Variants in CNGB3 observed in about 807,000 individuals in gnomAD.
The protein encoded by CNGB3 is cyclic nucleotide gated channel subunit beta 3, also known as cyclic nucleotide-gated channel beta-3.
Under a neutral mutation model 92.8 loss-of-function variants are expected in CNGB3, and 86 were observed. The ratio of observed to expected loss-of-function variants is 0.93; its 90% CI spans 0.78 to 1.11. The LOEUF is 1.11. Among genes scored for constraint, CNGB3 ranks in the 50% least tolerant of loss-of-function variants. The probability of loss-of-function intolerance (pLI) is 0.00; values close to 1 mark genes in which losing one functional copy is unlikely to be tolerated. For missense variants in CNGB3, 1,026 were observed against 956.8 expected (o/e 1.07, Z -0.95); for synonymous variants, 333 against 332.7 (o/e 1.00, Z -0.01).
chr8:86,675,355 G>A (rs1164341538), intron 3 of CNGB3, among the ~76,000 whole-genome samples: 2 of 151,384 alleles, frequency 1.3e-5, no homozygotes, highest in African/African-American at 2.4e-5. Flanking sequence ...TTACTGTTGT[G>A]AGCCACTGTC....
intron 3 of CNGB3, among the ~76,000 whole-genome samples, chr8:86,725,540 G>A (rs1340230225): frequency 2.0e-5 from 3 of 152,228 alleles, no homozygotes; most frequent in Non-Finnish European, 4.4e-5. Flanking sequence ...ATGTGCACAC[G>A]TGTGTATGTG....
intron 15 of CNGB3, among the ~76,000 whole-genome samples, chr8:86,589,035 A>C (rs1274954253): frequency 2.0e-5 from 3 of 152,202 alleles, no homozygotes; most frequent in Non-Finnish European, 4.4e-5. Flanking sequence ...TGGTCTATTC[A>C]GAGATTCAAC....
At chr8:86,708,637 G>A (rs984781237) in intron 3 of CNGB3, among the ~76,000 whole-genome samples, 2 of 145,426 alleles carry the variant, frequency 1.4e-5, no homozygotes, top group Non-Finnish European at 3.0e-5. Flanking sequence ...GCATGATCAC[G>A]GCTCACTGTA....
At chr8:86,599,259 A>T (rs1822239205) in intron 15 of CNGB3, among the ~76,000 whole-genome samples, 1 of 152,186 alleles carries the variant, frequency 6.6e-6, no homozygotes, top group African/African-American at 2.4e-5. Context: ...TACCCTTGTG[A>T]TTTCCTATGC....
intron 3 of CNGB3, among the ~76,000 whole-genome samples, chr8:86,698,253 G>GT (rs1824487683): frequency 6.6e-6 from 1 of 152,110 alleles, no homozygotes. Context: ...AATGTCATTT[G>GT]TTATTTAGAT....
chr8:86,601,778 C>CA (rs1822308576), intron 15 of CNGB3, among the ~76,000 whole-genome samples: 1 of 152,144 alleles, frequency 6.6e-6, no homozygotes, highest in African/African-American at 2.4e-5. Flanking sequence ...CCCATAACCA[C>CA]AGCCAAAAAG....
chr8:86,641,762 CTT>C (rs1823192767), intron 10 of CNGB3, among the ~76,000 whole-genome samples: 1 of 151,860 alleles, frequency 6.6e-6, no homozygotes, highest in Non-Finnish European at 1.5e-5. Flanking sequence ...TTTGGAGATA[CTT>C]CTTACTTTCT....
At chr8:86,626,595 AC>A (rs1225163260) in intron 12 of CNGB3, among the ~76,000 whole-genome samples, 3 of 152,178 alleles carry the variant, frequency 2.0e-5, no homozygotes, top group Non-Finnish European at 2.9e-5. Flanking sequence ...AAGAAGAAAA[AC>A]AAAAAGGACT....
At chr8:86,706,974 A>C (rs953062549) in intron 3 of CNGB3, among the ~76,000 whole-genome samples, 1 of 152,230 alleles carries the variant, frequency 6.6e-6, no homozygotes, top group South Asian at 2.1e-4. Flanking sequence ...ATATTATAAA[A>C]TCAGACATGA....
chr8:86,723,275 ACTT>A (rs953925837), intron 3 of CNGB3, among the ~76,000 whole-genome samples: 4 of 152,040 alleles, frequency 2.6e-5, no homozygotes, highest in African/African-American at 9.7e-5. Flanking sequence ...CAATAAGAAA[ACTT>A]CTTTTAAATT....
chr8:86,707,969 C>G (rs1049271563), intron 3 of CNGB3: 1 of 152,190 alleles, frequency 6.6e-6, no homozygotes, highest in Non-Finnish European at 1.5e-5. Context: ...ATGGGGAAAA[C>G]TGCAGGAGGA....
chr8:86,740,569 G>T (rs1481714652), intron 1 of CNGB3, among the ~76,000 whole-genome samples: 1 of 152,194 alleles, frequency 6.6e-6, no homozygotes, highest in Non-Finnish European at 1.5e-5. Context: ...TACAGTAGGA[G>T]TGGTTGGATG....
At chr8:86,651,486 T>C (rs1823402708) in intron 7 of CNGB3, among the ~76,000 whole-genome samples, 1 of 151,912 alleles carries the variant, frequency 6.6e-6, no homozygotes, top group African/African-American at 2.4e-5. Flanking sequence ...TCGATCTTTG[T>C]AACAAGTTAA....
intron 3 of CNGB3, among the ~76,000 whole-genome samples, chr8:86,725,242 T>C (rs1266714225): frequency 1.3e-5 from 2 of 152,122 alleles, no homozygotes; most frequent in Admixed American, 1.3e-4. Flanking sequence ...GAAGTAAAAG[T>C]TCTCTTTGGG....
chr8:86,740,156 T>G (rs1174933485), intron 1 of CNGB3, among the ~76,000 whole-genome samples: 1 of 152,214 alleles, frequency 6.6e-6, no homozygotes, highest in Non-Finnish European at 1.5e-5. Context: ...ATCTAAGCTT[T>G]CCTTTGAAAT....
At chr8:86,719,190 G>A (rs1824919725) in intron 3 of CNGB3, among the ~76,000 whole-genome samples, 1 of 151,998 alleles carries the variant, frequency 6.6e-6, no homozygotes, top group South Asian at 2.1e-4. Flanking sequence ...ACAAGAGAAA[G>A]AAACAAGGGC....
intron 17 of CNGB3, among the ~76,000 whole-genome samples, chr8:86,577,704 A>G (rs1585942166): frequency 6.6e-6 from 1 of 152,222 alleles, no homozygotes; most frequent in East Asian, 1.9e-4. Context: ...TGCAAACAGC[A>G]CTGTAATGCC....
chr8:86,708,679 C>A (rs1017730504), intron 3 of CNGB3, among the ~76,000 whole-genome samples: 2 of 150,450 alleles, frequency 1.3e-5, no homozygotes, highest in Non-Finnish European at 3.0e-5. Context: ...GTGATCCTCT[C>A]GCCTCAGACC....
At chr8:86,736,149 A>G (rs1318142847) in intron 2 of CNGB3, among the ~76,000 whole-genome samples, 1 of 152,220 alleles carries the variant, frequency 6.6e-6, no homozygotes, top group Non-Finnish European at 1.5e-5. Context: ...TAAGAGTTCT[A>G]TAATCAGAAA....
Sources: gnomAD v4.1 joint callset for allele counts (sites outside exome capture counted in the v4.1 genomes callset) on GRCh38, gnomAD v4.1.1 for gene constraint, MANE v1.5 for transcripts, NCBI Gene and HGNC (gene_info 2026-07-23, HGNC 2026-07-21) for gene names.